The following USP43 variants were observed in gnomAD, a reference collection of about 807,000 sequenced individuals.
The protein encoded by USP43 is ubiquitin carboxyl-terminal hydrolase 43.
Under a neutral mutation model 90.7 loss-of-function variants are expected in USP43, and 33 were observed. The observed-to-expected ratio is 0.36, with a 90% CI of 0.28 to 0.49. The LOEUF (loss-of-function observed/expected upper bound fraction) is 0.49, where lower values mean the gene tolerates loss of function less well. Ranked by LOEUF, USP43 falls within the 20% of genes least tolerant of loss-of-function variation. USP43 has a pLI of 0.98. For missense variants in USP43, 1,274 were observed against 1,476.4 expected (o/e 0.86, Z 2.25); for synonymous variants, 598 against 615.8 (o/e 0.97, Z 0.43).
chr17:9,717,402 C>G (rs1297228776), intron 14 of USP43, among the ~76,000 whole-genome samples: 1 of 150,200 alleles, frequency 6.7e-6, no homozygotes, highest in East Asian at 1.9e-4. Context: ...TATTCATCAG[C>G]TGCTTATTTC....
intron 2 of USP43, among the ~76,000 whole-genome samples, chr17:9,657,912 TAGAAG>T (rs113948954): frequency 0.14 from 21,948 of 152,172 alleles, 2,107 homozygotes; most frequent in African/African-American, 0.28. Flanking sequence ...TCTGCTGTAA[TAGAAG>T]AGAAGTTTCA....
At chr17:9,692,291 A>T (rs1472824545) in intron 8 of USP43, among the ~76,000 whole-genome samples, 3 of 152,004 alleles carry the variant, frequency 2.0e-5, no homozygotes, top group African/African-American at 7.3e-5. Context: ...CTCAGGAGGC[A>T]GAGGTTGTAG....
intron 12 of USP43, among the ~76,000 whole-genome samples, chr17:9,708,691 G>A (rs1440000161): frequency 1.3e-5 from 2 of 152,164 alleles, no homozygotes; most frequent in Non-Finnish European, 2.9e-5. Context: ...GCAGTGGCGT[G>A]ATCCTGGCTC....
At chr17:9,654,628 A>G (rs1474688871) in intron 1 of USP43, among the ~76,000 whole-genome samples, 1 of 151,688 alleles carries the variant, frequency 6.6e-6, no homozygotes, top group Non-Finnish European at 1.5e-5. Flanking sequence ...TAGCCTGGGC[A>G]ACAAGAGTGA....
chr17:9,693,412 G>A (rs1915078900), intron 9 of USP43, among the ~76,000 whole-genome samples, 182 bp downstream of exon 9: 1 of 149,520 alleles, frequency 6.7e-6, no homozygotes, highest in East Asian at 1.9e-4. Flanking sequence ...CCGTATGTCT[G>A]GAGAGGCACT....
intron 3 of USP43, among the ~76,000 whole-genome samples, chr17:9,669,267 G>T (rs1279709684): frequency 6.6e-6 from 1 of 152,180 alleles, no homozygotes. Flanking sequence ...GGGAGTATAA[G>T]GTGAAGGCAT....
At chr17:9,667,080 G>A (rs1913079772) in intron 3 of USP43, among the ~76,000 whole-genome samples, 1 of 152,144 alleles carries the variant, frequency 6.6e-6, no homozygotes, top group Admixed American at 6.5e-5. Flanking sequence ...CTTCCTGTTT[G>A]TTCTCTCTCC....
intron 1 of USP43, 86 bp from the exon 2 acceptor site, chr17:9,656,317 C>T: frequency 6.6e-7 from 1 of 1,507,926 alleles, no homozygotes. Context: ...GAATAATGAC[C>T]ACTTGGTAGA....
intron 2 of USP43, among the ~76,000 whole-genome samples, chr17:9,656,855 C>A (rs2151963933): frequency 6.6e-6 from 1 of 152,310 alleles, no homozygotes; most frequent in South Asian, 2.1e-4. Context: ...GCCATGAGTA[C>A]CGTTCCTTAT....
Position 9,700,205 on chromosome 17 carries a change from A to T in USP43, c.1491A>T (p.Pro497=), listed in dbSNP as rs372814726. The part of the protein sequence containing the change: ...VLHLRRPGGP[P]HVKLAVEWDS... ...ATCTCAGGAGGCCAGGAGGCCCTCCACATGTCAAGCTGGCGGTGGAGTGGG... is the reference window on the plus strand; with the variant it reads ...ATCTCAGGAGGCCAGGAGGCCCTCCTCATGTCAAGCTGGCGGTGGAGTGGG... Residue 497 remains proline, a synonymous_variant, in exon 10 of 15, where the codon CCA becomes CCT. Coordinates refer to ENST00000285199, the MANE Select transcript of USP43 (RefSeq NM_153210.5). 8 of 1,607,312 alleles carry T rather than the reference A, an allele frequency of 5.0e-6. No individual in the cohort carries two copies. Among genetic ancestry groups the T allele is most frequent in the Non-Finnish European group, 6.8e-6 (8 of 1,177,098 alleles).
chr17:9,693,162 ACT>A lies in USP43; in HGVS notation c.1394_1395del (p.Ser465CysfsTer20). 1 of 1,612,004 alleles carries A rather than the reference ACT, an allele frequency of 6.2e-7. No individual in the cohort carries two copies. Among genetic ancestry groups the A allele is most frequent in the Non-Finnish European group, 8.5e-7 (1 of 1,179,314 alleles). Reference sequence around the variant, plus strand: ...CTCTGTTCTCCATCCGTGTTGTGGGACTCTCTGTGGCCTGCAGCTATTTGTCT... The same window carrying A: ...CTCTGTTCTCCATCCGTGTTGTGGGACTCTGTGGCCTGCAGCTATTTGTCT... ...GSLFSIRVVGLSVACSYLSPK... is the reference protein window; with the variant it reads ...GSLFSIRVVGXSVACSYLSPK... On this transcript the variant is annotated frameshift_variant, in exon 9 of 15. Transcript: ENST00000285199. LOFTEE classifies it high-confidence loss of function.
intron 14 of USP43, among the ~76,000 whole-genome samples, chr17:9,715,012 A>G (rs932568849): frequency 3.9e-5 from 6 of 152,104 alleles, no homozygotes; most frequent in African/African-American, 1.4e-4. Flanking sequence ...GCTGGGGTGG[A>G]GGAAGTGGCA....
intron 8 of USP43, among the ~76,000 whole-genome samples, chr17:9,687,624 G>T (rs570023734): frequency 6.6e-6 from 1 of 152,248 alleles, no homozygotes; most frequent in Admixed American, 6.5e-5. Flanking sequence ...TTAGGGACAG[G>T]TCAGTTGTGT....
chr17:9,685,406 G>C (rs1363440056), intron 7 of USP43, among the ~76,000 whole-genome samples: 1 of 152,188 alleles, frequency 6.6e-6, no homozygotes, highest in Non-Finnish European at 1.5e-5. Flanking sequence ...CCAGTGATGA[G>C]AATATTCTCG....
In USP43 at chr17:9,681,179, A is replaced by T. The variant is rs865968289; in HGVS notation, c.1105+813A>T. 5.0e-4 allele frequency among the ~76,000 whole-genome samples: 29 copies of T among 57,710 alleles called. 1 individual carries two copies. The South Asian group carries it at 0.012, about 24-fold the overall frequency. The allele number at this position is 57,710 out of a possible 152,430, so 37.9% of individuals were successfully genotyped here. On this transcript the variant is annotated intron_variant, in intron 6 of 14. Transcript: ENST00000285199. ...ATATACTATATAATATATACTATAT[A>T]ATATACTATATAATATATACTATAT...
chr17:9,677,594 G>A (rs889571568), intron 5 of USP43, among the ~76,000 whole-genome samples: 15 of 152,196 alleles, frequency 9.9e-5, no homozygotes, highest in Admixed American at 7.2e-4. Flanking sequence ...GGAGGAGGCC[G>A]TGGTGGCGCC....
chr17:9,646,206 A>C, intron 1 of USP43, 70 bp downstream of exon 1: 2 of 1,359,202 alleles, frequency 1.5e-6, no homozygotes, highest in Non-Finnish European at 1.9e-6. Flanking sequence ...GTGCACGATC[A>C]GGAAAGGGTT....
At chr17:9,670,365 T>C (rs542990176) in intron 3 of USP43, among the ~76,000 whole-genome samples, 2 of 152,128 alleles carry the variant, frequency 1.3e-5, no homozygotes, top group Non-Finnish European at 1.5e-5. Flanking sequence ...TTATGAGCAA[T>C]GCAGGGAGGC....
chr17:9,700,087 G>A, intron 9 of USP43, 85 bp from the exon 10 acceptor site: 1 of 1,288,800 alleles, frequency 7.8e-7, no homozygotes, highest in Non-Finnish European at 1.1e-6. Context: ...TCAGTCCTTG[G>A]GTTGTGGGGG....
Sources: allele counts gnomAD v4.1 joint callset (sites outside exome capture counted in the v4.1 genomes callset), GRCh38; gene constraint gnomAD v4.1.1; transcripts MANE v1.5; gene names NCBI Gene and HGNC (gene_info 2026-07-23, HGNC 2026-07-21).